Variants in CC2D2B observed in about 807,000 individuals in gnomAD.
The protein encoded by CC2D2B is protein CC2D2B.
In CC2D2B, 128 loss-of-function variants were observed where a neutral mutation model predicts 161.2. The observed-to-expected ratio is 0.79, with a 90% confidence interval of 0.69 to 0.92. CC2D2B has a LOEUF of 0.92. CC2D2B is among the 40% of genes least tolerant of loss of function. The pLI is 0.00. For synonymous variants in CC2D2B, 391 were observed against 449.8 expected (o/e 0.87, Z 1.65); for missense variants, 1,173 against 1,375.1 (o/e 0.85, Z 2.32).
intron 10 of CC2D2B, 149 bp downstream of exon 10, chr10:95,950,254 G>C (rs2076353962): frequency 5.1e-6 from 2 of 394,920 alleles, no homozygotes; most frequent in African/African-American, 4.1e-5. Flanking sequence ...TGTAGGAATT[G>C]ACTGGCTGGG....
intron 2 of CC2D2B, among the ~76,000 whole-genome samples, chr10:95,913,136 A>G (rs2098509590): frequency 6.7e-6 from 1 of 148,908 alleles, no homozygotes; most frequent in Non-Finnish European, 1.5e-5. Context: ...TCTGGAAACC[A>G]TCATTATACT....
chr10:95,938,954 T>G (rs1564601006), intron 9 of CC2D2B, 29 bp downstream of exon 9: 1 of 663,954 alleles, frequency 1.5e-6, no homozygotes, highest in Non-Finnish European at 2.7e-6. Context: ...TTTGTAATTA[T>G]GGTTAAAATT....
intron 3 of CC2D2B, 56 bp downstream of exon 3, chr10:95,922,132 T>A (rs1220423206): frequency 1.1e-6 from 1 of 949,018 alleles, no homozygotes; most frequent in Non-Finnish European, 1.6e-6. Context: ...TTTAAAGATG[T>A]AAATGATTAA....
chr10:95,979,812 A>G (rs2077446704), intron 17 of CC2D2B, among the ~76,000 whole-genome samples: 1 of 152,236 alleles, frequency 6.6e-6, no homozygotes, highest in Non-Finnish European at 1.5e-5. Flanking sequence ...CCATCATTAC[A>G]ATCTGGAAAT....
At chr10:95,909,286 C>T (rs573195226) in intron 1 of CC2D2B, among the ~76,000 whole-genome samples, 14 of 152,230 alleles carry the variant, frequency 9.2e-5, no homozygotes, top group African/African-American at 2.6e-4. Context: ...AGTTAAATTC[C>T]ACTTCTTCCA....
chr10:96,025,607 C>A (rs1002713844), intron 33 of CC2D2B, among the ~76,000 whole-genome samples: 1 of 152,188 alleles, frequency 6.6e-6, no homozygotes, highest in Non-Finnish European at 1.5e-5. Context: ...GACTTGACAT[C>A]TGGTAAAAAT....
intron 17 of CC2D2B, among the ~76,000 whole-genome samples, chr10:95,981,611 T>G (rs1332875047): frequency 2.6e-5 from 4 of 152,180 alleles, no homozygotes; most frequent in Admixed American, 1.3e-4. Context: ...AAGAAAACAT[T>G]TAATAAGTTA....
chr10:95,942,064 C>A (rs552717231), intron 9 of CC2D2B, among the ~76,000 whole-genome samples: 6 of 152,196 alleles, frequency 3.9e-5, no homozygotes, highest in African/African-American at 1.4e-4. Flanking sequence ...ATAAGTCAAT[C>A]ACAGAAGAAC....
At chr10:95,993,587 T>C (rs1431103546) in intron 22 of CC2D2B, among the ~76,000 whole-genome samples, 1 of 151,614 alleles carries the variant, frequency 6.6e-6, no homozygotes, top group Non-Finnish European at 1.5e-5. Context: ...CTAAAAGAAT[T>C]AAGTATGCTC....
intron 6 of CC2D2B, 47 bp downstream of exon 6, chr10:95,927,379 A>G: frequency 1.0e-6 from 1 of 1,002,906 alleles, no homozygotes; most frequent in Non-Finnish European, 1.5e-6. Flanking sequence ...TCAGGAAAAA[A>G]TGATTCTTTA....
At chr10:95,979,545 T>A (rs2077437927) in intron 17 of CC2D2B, among the ~76,000 whole-genome samples, 1 of 152,158 alleles carries the variant, frequency 6.6e-6, no homozygotes, top group Admixed American at 6.5e-5. Flanking sequence ...TAGTTCCCTG[T>A]CTCAGGAACT....
Position 95,938,724 on chromosome 10 carries a change from A to T in CC2D2B, c.672+19A>T, listed in dbSNP as rs1299286031. 1 of 705,040 alleles carries T rather than the reference A, an allele frequency of 1.4e-6. No individual in the cohort carries two copies. The highest frequency in any genetic ancestry group is 2.7e-5 in the East Asian group (1 of 37,196). 43.7% of individuals were successfully genotyped at this position (705,040 alleles called of 1,614,324 possible). Reference sequence around the variant, plus strand: ...AGAAGAGGCAAGTGCACCACCTAACAAGTTAAAACACTGGCTACTATGTGA... The same window carrying T: ...AGAAGAGGCAAGTGCACCACCTAACTAGTTAAAACACTGGCTACTATGTGA... On this transcript the variant is annotated intron_variant, in intron 8 of 34. Transcript: ENST00000646931.
chr10:95,927,531 G>A (rs1475464329), intron 6 of CC2D2B, among the ~76,000 whole-genome samples, 199 bp downstream of exon 6: 1 of 152,084 alleles, frequency 6.6e-6, no homozygotes, highest in Admixed American at 6.5e-5. Context: ...TGATTACTAA[G>A]TTTTTAACAC....
intron 11 of CC2D2B, among the ~76,000 whole-genome samples, chr10:95,957,045 T>G (rs1008549809): frequency 2.6e-5 from 4 of 152,080 alleles, no homozygotes; most frequent in African/African-American, 9.6e-5. Context: ...TAAATTGGGG[T>G]TAATTTTGGT....
chr10:95,910,465 G>T (rs367866362), intron 1 of CC2D2B, among the ~76,000 whole-genome samples: 2 of 152,026 alleles, frequency 1.3e-5, no homozygotes, highest in Admixed American at 6.6e-5. Flanking sequence ...AAGGAAGGAG[G>T]GGGGAGGTCC....
At chr10:95,973,891 A>T in intron 16 of CC2D2B, 118 bp from the exon 17 acceptor site, 1 of 411,730 alleles carries the variant, frequency 2.4e-6, no homozygotes, top group Non-Finnish European at 4.0e-6. Flanking sequence ...GAGTGGGGTT[A>T]GCACAGATCT....
chr10:96,006,364 A>G (rs2078748909), intron 25 of CC2D2B, among the ~76,000 whole-genome samples: 1 of 149,016 alleles, frequency 6.7e-6, no homozygotes, highest in African/African-American at 2.4e-5. Flanking sequence ...TATATAATAT[A>G]TATATACATA....
At chr10:96,016,878 C>T (rs776791696) in intron 30 of CC2D2B, among the ~76,000 whole-genome samples, 1 of 152,026 alleles carries the variant, frequency 6.6e-6, no homozygotes, top group Non-Finnish European at 1.5e-5. Context: ...CCACCACGCC[C>T]GGCTAATTTT....
intron 33 of CC2D2B, among the ~76,000 whole-genome samples, chr10:96,026,112 G>A (rs889517914): frequency 4.6e-5 from 7 of 152,126 alleles, no homozygotes; most frequent in Non-Finnish European, 7.4e-5. Flanking sequence ...ATGCATAGCC[G>A]CTATTGAGAC....
Sources: allele counts gnomAD v4.1 joint callset (sites outside exome capture counted in the v4.1 genomes callset), GRCh38; gene constraint gnomAD v4.1.1; transcripts MANE v1.5; gene names NCBI Gene and HGNC (gene_info 2026-07-23, HGNC 2026-07-21).